Variants in CSNK1D observed in about 807,000 individuals in gnomAD.
CSNK1D encodes the protein casein kinase I isoform delta.
Under a neutral mutation model 46.6 loss-of-function variants are expected in CSNK1D, and 16 were observed. That is an observed-to-expected ratio of 0.34 (90% CI 0.23 to 0.52). CSNK1D has a LOEUF of 0.52. CSNK1D is among the 20% of genes least tolerant of loss of function. The pLI is 0.95. For missense variants in CSNK1D, 398 were observed against 578.4 expected (o/e 0.69, Z 3.20); for synonymous variants, 276 against 228.2 (o/e 1.21, Z -1.89).
rs186329033 is a variant in CSNK1D at position 82,268,634 on chromosome 17, G to C, written c.77-2838C>G. Among the ~76,000 whole-genome samples, 20 of 152,298 alleles carry C rather than the reference G, an allele frequency of 1.3e-4. No individual in the cohort carries two copies. The East Asian group carries it at 3.3e-3, about 25-fold the overall frequency. ...CGCAGATCACCAGGTTGTCTGGGTT[G>C]TCTGTTTATACAAAAGACATTCTGT... On this transcript the variant is annotated intron_variant, in intron 1 of 8. Coordinates refer to ENST00000314028, the MANE Select transcript of CSNK1D (RefSeq NM_001893.6).
In CSNK1D at chr17:82,243,614, T is replaced by C. The variant is rs755104289; in HGVS notation, c.*1167A>G. 6.1e-6 allele frequency: 6 copies of C among 985,440 alleles called. No homozygotes were observed. The South Asian group carries it at 1.9e-4, about 31-fold the overall frequency. 61.0% of individuals were successfully genotyped at this position (985,440 alleles called of 1,614,324 possible). A position where few individuals can be genotyped will look rare whatever the true frequency, so the allele number is the denominator to read the frequency against. On this transcript the variant is annotated 3_prime_UTR_variant, in exon 9 of 9. Transcript: ENST00000314028. ...CTGGCCGTGAAGGTTCTGGGTCCGG[T>C]TGGGAGAGTCACCTGCTCCTTGGCA...
intron 2 of CSNK1D, chr17:82,265,270 C>CCA: frequency 3.3e-6 from 1 of 306,860 alleles, no homozygotes; most frequent in South Asian, 2.9e-5. Flanking sequence ...CCTCTGCCTC[C>CCA]CAGACTCAGG....
intron 3 of CSNK1D, chr17:82,254,260 G>A (rs1211679996): frequency 4.8e-5 from 12 of 249,072 alleles, no homozygotes; most frequent in Admixed American, 1.4e-4. Flanking sequence ...CTGAGCCGCC[G>A]GAGCCTCGAG....
intron 2 of CSNK1D, among the ~76,000 whole-genome samples, chr17:82,262,545 T>C (rs886241594): frequency 1.3e-5 from 2 of 152,156 alleles, no homozygotes; most frequent in Non-Finnish European, 2.9e-5. Flanking sequence ...CACTTGACTT[T>C]CACGTGAAAG....
At position 82,252,368 on chromosome 17, in the gene CSNK1D, G is replaced by C. The variant is rs1164959825; in HGVS notation, c.736+66C>G. The C allele has an allele frequency of 6.3e-7, 1 of 1,581,870 alleles. No homozygotes were observed. Among genetic ancestry groups the C allele is most frequent in the Non-Finnish European group, 8.7e-7 (1 of 1,151,912 alleles). ...GACAAAACCCAGACTGAGCCGTCTCGGCACACCCGACACATATGCAACCCC... is the reference window on the plus strand; with the variant it reads ...GACAAAACCCAGACTGAGCCGTCTCCGCACACCCGACACATATGCAACCCC... On this transcript the variant is annotated intron_variant, in intron 5 of 8. Transcript: ENST00000314028. The surrounding 1 kb of genome is among the most constrained non-coding windows in gnomAD (Gnocchi z 4.6).
chr17:82,243,415 G>A lies in CSNK1D; in HGVS notation c.*1366C>T. 4.1e-6 allele frequency: 4 copies of A among 985,544 alleles called. No homozygotes were observed. The highest frequency in any genetic ancestry group is 4.7e-5 in the South Asian group (1 of 21,290). 61.0% of individuals were successfully genotyped at this position (985,544 alleles called of 1,614,324 possible). A position where few individuals can be genotyped will look rare whatever the true frequency, so the allele number is the denominator to read the frequency against. On this transcript the variant is annotated 3_prime_UTR_variant, in exon 9 of 9. Transcript: ENST00000314028. The stretch of plus-strand genomic sequence containing the variant: ...CTGGCTACCGCCCAAGTGCTGCGGA[G>A]TGAGAGGCGAGAAGGCATCCTGGGA...
rs2051011914 is a variant in CSNK1D, at chr17:82,251,635, G to C, written c.737-108C>G. 2 of 1,120,798 alleles carry C rather than the reference G, an allele frequency of 1.8e-6. No individual in the cohort carries two copies. Among genetic ancestry groups the C allele is most frequent in the South Asian group, 1.3e-5 (1 of 76,508 alleles). The allele number at this position is 1,120,798 out of a possible 1,614,324, so 69.4% of individuals were successfully genotyped here. A position where few individuals can be genotyped will look rare whatever the true frequency, so the allele number is the denominator to read the frequency against. On this transcript the variant is annotated intron_variant, in intron 5 of 8. Transcript: ENST00000314028. This position sits in a 1 kb window ranked among gnomAD's most constrained non-coding sequence, Gnocchi z 4.5. ...TGCTGCTGCACACTCAAGGGGAGAA[G>C]GACAGATGCAAAACACCTGTCAGAT...
intron 8 of CSNK1D, chr17:82,247,342 G>C: frequency 1.0e-6 from 1 of 985,442 alleles, no homozygotes; most frequent in Non-Finnish European, 1.2e-6. Flanking sequence ...GCCGTGTACC[G>C]AGAAAAGGCA....
At chr17:82,245,140 A>T (rs1036101885) in intron 8 of CSNK1D, 5 of 557,862 alleles carry the variant, frequency 9.0e-6, no homozygotes, top group Non-Finnish European at 1.3e-5. Context: ...CTGGAAAGGA[A>T]CCTGGTGTTT....
intron 1 of CSNK1D, among the ~76,000 whole-genome samples, chr17:82,269,975 T>A (rs577225253): frequency 2.0e-5 from 3 of 152,232 alleles, no homozygotes; most frequent in Non-Finnish European, 4.4e-5. Flanking sequence ...CCACACCACA[T>A]GGACACGGAT....
At chr17:82,267,273 A>G (rs549543484) in intron 1 of CSNK1D, among the ~76,000 whole-genome samples, 1 of 152,258 alleles carries the variant, frequency 6.6e-6, no homozygotes, top group Admixed American at 6.5e-5. Context: ...CGTCTGTTTC[A>G]TGAGAGTTGT....
downstream of CSNK1D, chr17:82,240,162 C>T (rs936522504): frequency 5.4e-6 from 5 of 923,476 alleles, no homozygotes; most frequent in African/African-American, 5.1e-5. Flanking sequence ...GCAGCCCAGG[C>T]TCCTGCCTGC....
chr17:82,255,524 C>G lies in CSNK1D; in HGVS notation c.241G>C (p.Val81Leu). Residue 81 changes from valine to leucine, a missense_variant, in exon 3 of 9, where the codon GTG becomes CTG. Val to Leu is a conservative substitution (Grantham distance 32). Transcript: ENST00000314028. The surrounding 1 kb of genome is among the most constrained non-coding windows in gnomAD (Gnocchi z 5.9). Reference protein sequence around the residue: ...CGAEGDYNVMVMELLGPSLED... With the variant: ...CGAEGDYNVMLMELLGPSLED... ...AGGCTTGGCCCCAGCAGCTCCATCA[C>G]CATGACGTTGTAGTCCCCCTCTGCC... 1 of 1,614,142 alleles carries G rather than the reference C, an allele frequency of 6.2e-7. No homozygotes were observed. Among genetic ancestry groups the G allele is most frequent in the Non-Finnish European group, 8.5e-7 (1 of 1,180,026 alleles).
chr17:82,271,664 C>G (rs2051627742), intron 1 of CSNK1D, among the ~76,000 whole-genome samples: 1 of 152,230 alleles, frequency 6.6e-6, no homozygotes, highest in Admixed American at 6.5e-5. Flanking sequence ...ACAGGGTCAC[C>G]TGGCAGGTTA....
At chr17:82,247,281 G>A (rs977413917) in intron 8 of CSNK1D, 47 of 985,252 alleles carry the variant, frequency 4.8e-5, no homozygotes, top group Non-Finnish European at 5.7e-5. Context: ...CACTGCTCAC[G>A]GCCACCTTGG....
intron 8 of CSNK1D, chr17:82,246,655 T>C: frequency 1.0e-6 from 1 of 997,992 alleles, no homozygotes; most frequent in East Asian, 1.0e-4. Context: ...CCTACAACTA[T>C]GGGGGCCTCT....
intron 2 of CSNK1D, among the ~76,000 whole-genome samples, chr17:82,257,621 T>C (rs1599600860): frequency 6.6e-6 from 1 of 152,190 alleles, no homozygotes; most frequent in African/African-American, 2.4e-5. Context: ...GTGACAGCTG[T>C]GCCTGAGGGC....
intron 1 of CSNK1D, among the ~76,000 whole-genome samples, chr17:82,267,934 T>C (rs1394946497): frequency 6.6e-6 from 1 of 152,260 alleles, no homozygotes; most frequent in Non-Finnish European, 1.5e-5. Context: ...AGCTAATGTC[T>C]GCCAGTCACA....
At chr17:82,240,120 C>T, downstream of CSNK1D, 2 of 1,202,680 alleles carry the variant, frequency 1.7e-6, no homozygotes, top group Middle Eastern at 2.1e-4. Flanking sequence ...CCCATCTGCC[C>T]CTGGCCTTGC....
Sources: gnomAD v4.1 joint callset for allele counts (sites outside exome capture counted in the v4.1 genomes callset) on GRCh38, gnomAD v4.1.1 for gene constraint, Gnocchi (gnomAD v3.1) non-coding constraint, MANE v1.5 for transcripts, NCBI Gene and HGNC (gene_info 2026-07-23, HGNC 2026-07-21) for gene names.